ASIC2: variants seen among roughly 807,000 people sequenced by gnomAD.
The protein encoded by ASIC2 is acid-sensing ion channel 2.
In ASIC2, 25 loss-of-function variants were observed where a neutral mutation model predicts 57.3. That is an observed-to-expected ratio of 0.44 (90% CI 0.32 to 0.61). The LOEUF is 0.61. Among genes scored for constraint, ASIC2 ranks in the 20% least tolerant of loss-of-function variants. The pLI is 0.06. For synonymous variants in ASIC2, 319 were observed against 307.5 expected (o/e 1.04, Z -0.39); for missense variants, 641 against 738.1 (o/e 0.87, Z 1.52).
At position 33,292,213 on chromosome 17, in the gene ASIC2, C is replaced by A; in HGVS notation, c.-98G>T. 2.0e-5 allele frequency: 20 copies of A among 1,002,320 alleles called. No homozygotes were observed. The highest frequency in any genetic ancestry group is 2.4e-5 in the Non-Finnish European group (20 of 843,042). The allele number at this position is 1,002,320 out of a possible 1,614,324, so 62.1% of individuals were successfully genotyped here. A position where few individuals can be genotyped will look rare whatever the true frequency, so the allele number is the denominator to read the frequency against. ...CAGTGGAAGCAGCAGCAGCGGCAGCCGCGCGCAGCCCGCGCCAGGGAAGCG... is the reference window on the plus strand; with the variant it reads ...CAGTGGAAGCAGCAGCAGCGGCAGCAGCGCGCAGCCCGCGCCAGGGAAGCG... On this transcript the variant is annotated 5_prime_UTR_variant, in exon 1 of 10. Coordinates refer to ENST00000225823, the MANE Select transcript of ASIC2 (RefSeq NM_183377.2).
chr17:33,291,008 G>A lies in ASIC2; in HGVS notation c.708+400C>T, dbSNP rs115107452. ...AGAGCCGTCTATTGGTTTTCCCAAA[G>A]ACAAGAAGTCCGCACTTAAGAGATC... is the stretch of plus-strand genomic sequence containing the variant. On this transcript the variant is annotated intron_variant, in intron 1 of 9. Coordinates refer to ENST00000225823, the MANE Select transcript of ASIC2 (RefSeq NM_183377.2). 7.7e-3 allele frequency: 748 copies of A among 96,528 alleles called. 10 individuals are homozygous for A. Among genetic ancestry groups the A allele is most frequent in the African/African-American group, 0.038 (716 of 18,904 alleles). 6.0% of individuals were successfully genotyped at this position (96,528 alleles called of 1,614,324 possible). A position where few individuals can be genotyped will look rare whatever the true frequency, so the allele number is the denominator to read the frequency against.
rs1435381063 is a variant in ASIC2, at chr17:33,292,620, G to T, written c.-505C>A. On this transcript the variant is annotated 5_prime_UTR_variant, in exon 1 of 10. Transcript: ENST00000225823. ...ACATCCCCAGGGACCCCACCAGCCC[G>T]GCCCGTAGCCCAGCGGTGCTGGGAC... The T allele has an allele frequency of 3.5e-5, 34 of 985,492 alleles. No individual in the cohort carries two copies. The highest frequency in any genetic ancestry group is 4.1e-5 in the Non-Finnish European group (34 of 830,074). The allele number at this position is 985,492 out of a possible 1,614,324, so 61.0% of individuals were successfully genotyped here. A position where few individuals can be genotyped will look rare whatever the true frequency, so the allele number is the denominator to read the frequency against.
intron 1 of ASIC2, among the ~76,000 whole-genome samples, chr17:33,366,943 T>G (rs1007035): frequency 0.41 from 63,126 of 152,130 alleles, 14,268 homozygotes; most frequent in East Asian, 0.58. Flanking sequence ...TGGCAAATAG[T>G]TTCACTTTCA....
chr17:33,295,706 T>A (rs1905695740), upstream of ASIC2, among the ~76,000 whole-genome samples: 1 of 152,216 alleles, frequency 6.6e-6, no homozygotes, highest in Non-Finnish European at 1.5e-5. Flanking sequence ...AGCACGTTGA[T>A]GAAACACTGT....
chr17:34,099,719 AAAG>A (rs1342305132), intron 1 of ASIC2, among the ~76,000 whole-genome samples: 6 of 138,586 alleles, frequency 4.3e-5, no homozygotes, highest in African/African-American at 8.5e-5. Context: ...AGAAAGAAAG[AAAG>A]AAGGAAAGAA....
intron 3 of ASIC2, among the ~76,000 whole-genome samples, chr17:33,068,560 AAAAC>A (rs1212012138): frequency 1.3e-3 from 195 of 152,198 alleles, no homozygotes; most frequent in African/African-American, 4.6e-3. Flanking sequence ...AAAACAAAAC[AAAAC>A]AAACCCAAAA....
chr17:33,722,456 C>T lies in ASIC2; in HGVS notation c.555+433522G>A, dbSNP rs149191036. Among the ~76,000 whole-genome samples, 189 of 152,146 alleles carry T rather than the reference C, an allele frequency of 1.2e-3. 1 individual carries two copies. Among genetic ancestry groups the T allele is most frequent in the African/African-American group, 4.5e-3 (186 of 41,506 alleles). ...TTTAAAAATGGGCAAAAGATTTCCG[C>T]AAGTAATTTATAGAAAAAGATATCC... On this transcript the variant is annotated intron_variant, in intron 1 of 9. Coordinates refer to the ASIC2 transcript ENST00000359872.
chr17:33,603,540 CAA>C (rs752021777), intron 1 of ASIC2, among the ~76,000 whole-genome samples: 49 of 152,074 alleles, frequency 3.2e-4, no homozygotes, highest in Non-Finnish European at 5.1e-4. Context: ...GAGAAACAGA[CAA>C]GAGAGAAATA....
At chr17:33,923,792 G>A (rs1029529215) in intron 1 of ASIC2, among the ~76,000 whole-genome samples, 1 of 152,178 alleles carries the variant, frequency 6.6e-6, no homozygotes, top group African/African-American at 2.4e-5. Context: ...AAAGAAGATA[G>A]TAGAGTATGA....
Position 33,799,381 on chromosome 17 carries a change from T to TTC in ASIC2, c.555+356596_555+356597insGA, listed in dbSNP as rs1567718854. ...TTCTTTCTTTCTTTCTTTCTTCCTTTCTTTCTTTCTTTCTTTCTTTCTTTT... is the reference window on the plus strand; with the variant it reads ...TTCTTTCTTTCTTTCTTTCTTCCTTTTCCTTTCTTTCTTTCTTTCTTTCTTTT... On this transcript the variant is annotated intron_variant, in intron 1 of 9. Transcript: ENST00000359872. 2.1e-3 allele frequency among the ~76,000 whole-genome samples: 71 copies of TTC among 34,524 alleles called. 1 individual carries two copies. The highest frequency in any genetic ancestry group is 6.7e-3 in the African/African-American group (56 of 8,318). 22.6% of individuals were successfully genotyped at this position (34,524 alleles called of 152,430 possible). A position where few individuals can be genotyped will look rare whatever the true frequency, so the allele number is the denominator to read the frequency against.
At chr17:33,971,297 A>G (rs966133510) in intron 1 of ASIC2, among the ~76,000 whole-genome samples, 1 of 152,154 alleles carries the variant, frequency 6.6e-6, no homozygotes, top group Non-Finnish European at 1.5e-5. Flanking sequence ...AACACCAAGC[A>G]GAAGCAGAGA....
chr17:33,411,291 C>T (rs1050271588), intron 1 of ASIC2, among the ~76,000 whole-genome samples: 6 of 152,034 alleles, frequency 3.9e-5, no homozygotes, highest in Non-Finnish European at 7.4e-5. Context: ...ATGGTTGTTA[C>T]CATTTGTCCT....
intron 1 of ASIC2, chr17:34,120,094 AC>A (rs1911560628): frequency 1.3e-5 from 2 of 152,132 alleles, no homozygotes; most frequent in Admixed American, 6.5e-5. Context: ...CCATTCAAGT[AC>A]TAACCAGATT....
chr17:33,305,874 C>G (rs1034770604), intron 1 of ASIC2, among the ~76,000 whole-genome samples: 1 of 152,180 alleles, frequency 6.6e-6, no homozygotes, highest in Non-Finnish European at 1.5e-5. Context: ...ATTTCATTCT[C>G]TCATTGGCCA....
chr17:33,190,420 G>T (rs911933894), intron 1 of ASIC2, among the ~76,000 whole-genome samples: 9 of 152,102 alleles, frequency 5.9e-5, no homozygotes, highest in African/African-American at 1.9e-4. Context: ...GAAATGCCAT[G>T]CTATTGACAG....
At chr17:33,042,005 C>G (rs1388589197) in intron 3 of ASIC2, among the ~76,000 whole-genome samples, 1 of 152,194 alleles carries the variant, frequency 6.6e-6, no homozygotes, top group African/African-American at 2.4e-5. Flanking sequence ...TGTCTTGCCC[C>G]ACCCAGTTGG....
In ASIC2 at chr17:33,254,921, G is replaced by A. The variant is rs1021794646; in HGVS notation, c.708+36487C>T. ...ATGCTAATAGTGGTTACCACTGGTT[G>A]GGGAGTTCTATGGAATTTTTATTTT... On this transcript the variant is annotated intron_variant, in intron 1 of 9. Coordinates refer to ENST00000225823, the MANE Select transcript of ASIC2 (RefSeq NM_183377.2). 6.6e-5 allele frequency among the ~76,000 whole-genome samples: 10 copies of A among 151,910 alleles called. No individual in the cohort carries two copies. In the South Asian group the frequency reaches 1.5e-3, roughly 22 times the overall value.
chr17:33,307,520 G>T (rs190787352), intron 1 of ASIC2, among the ~76,000 whole-genome samples: 124 of 152,228 alleles, frequency 8.1e-4, no homozygotes, highest in Middle Eastern at 6.8e-3. Context: ...ATGTTGGCCA[G>T]ACTAGTCTCG....
At chr17:33,360,978 T>G (rs1031278884) in intron 1 of ASIC2, among the ~76,000 whole-genome samples, 1 of 152,188 alleles carries the variant, frequency 6.6e-6, no homozygotes, top group African/African-American at 2.4e-5. Flanking sequence ...GAGCCTGCCC[T>G]GGGTTTGCAG....
Sources: gnomAD v4.1 joint callset for allele counts (sites outside exome capture counted in the v4.1 genomes callset) on GRCh38, gnomAD v4.1.1 for gene constraint, MANE v1.5 for transcripts, NCBI Gene and HGNC (gene_info 2026-07-23, HGNC 2026-07-21) for gene names.